SGCZ: variants seen among roughly 807,000 people sequenced by gnomAD.
SGCZ encodes sarcoglycan zeta, also known as zeta-sarcoglycan.
Under a neutral mutation model 41.3 loss-of-function variants are expected in SGCZ, and 40 were observed. The observed-to-expected ratio is 0.97, with a 90% CI of 0.75 to 1.26. SGCZ has a LOEUF of 1.26. Among genes scored for constraint, SGCZ ranks in the 50% most tolerant of loss-of-function variants. The pLI, the probability that SGCZ is intolerant of heterozygous loss-of-function variation, is 0.00. For synonymous variants in SGCZ, 206 were observed against 137.5 expected, an observed-to-expected ratio of 1.50 and a Z score of -3.49; for missense variants, 552 against 369.8, an observed-to-expected ratio of 1.49 and a Z score of -4.04.
intron 1 of SGCZ, among the ~76,000 whole-genome samples, chr8:15,138,440 A>C (rs1808197435): frequency 1.3e-5 from 2 of 152,068 alleles, no homozygotes; most frequent in Non-Finnish European, 2.9e-5. Flanking sequence ...AGGGCAGAAT[A>C]ATATGGTTGG....
At chr8:15,040,704 C>T (rs1039879798) in intron 1 of SGCZ, among the ~76,000 whole-genome samples, 3 of 152,084 alleles carry the variant, frequency 2.0e-5, no homozygotes, top group Non-Finnish European at 2.9e-5. Flanking sequence ...TGAAATACTG[C>T]GCATTATTAT....
chr8:14,875,078 C>T (rs944554988), intron 1 of SGCZ, among the ~76,000 whole-genome samples: 2 of 152,060 alleles, frequency 1.3e-5, no homozygotes, highest in Non-Finnish European at 2.9e-5. Context: ...TATTTATAAA[C>T]AATGGAAATT....
chr8:14,339,098 T>G (rs928745029), intron 2 of SGCZ, among the ~76,000 whole-genome samples: 3 of 98,152 alleles, frequency 3.1e-5, no homozygotes, highest in South Asian at 5.3e-4. Context: ...ACATATTATG[T>G]TTTTTTTTCT....
intron 3 of SGCZ, among the ~76,000 whole-genome samples, chr8:14,307,126 A>G (rs914129194): frequency 6.6e-6 from 1 of 152,226 alleles, no homozygotes; most frequent in African/African-American, 2.4e-5. Flanking sequence ...TTAAGTGATC[A>G]TAACAAGAGC....
At chr8:14,829,699 T>G (rs900214893) in intron 1 of SGCZ, among the ~76,000 whole-genome samples, 3 of 152,218 alleles carry the variant, frequency 2.0e-5, no homozygotes, top group African/African-American at 4.8e-5. Flanking sequence ...TTTCTTACAG[T>G]AGTTAGATGC....
intron 1 of SGCZ, among the ~76,000 whole-genome samples, chr8:15,103,679 A>G (rs1806702517): frequency 6.6e-6 from 1 of 152,130 alleles, no homozygotes; most frequent in Non-Finnish European, 1.5e-5. Flanking sequence ...AAATTAAGGA[A>G]GAAGAATCAC....
At chr8:14,707,600 G>C (rs1378378130) in intron 1 of SGCZ, among the ~76,000 whole-genome samples, 3 of 152,174 alleles carry the variant, frequency 2.0e-5, no homozygotes, top group East Asian at 3.9e-4. Flanking sequence ...TTTATCTTCA[G>C]AATGAGTACA....
chr8:14,740,019 T>C lies in SGCZ; in HGVS notation c.40-185093A>G, dbSNP rs145641289. Reference sequence around the variant, plus strand: ...CACATCTATAGGCCTTATTACAAAGTCAACACTTTCTTTATTCTGTGGGGA... The same window carrying C: ...CACATCTATAGGCCTTATTACAAAGCCAACACTTTCTTTATTCTGTGGGGA... On this transcript the variant is annotated intron_variant, in intron 1 of 7. Coordinates refer to ENST00000382080, the MANE Select transcript of SGCZ (RefSeq NM_139167.4). Among the ~76,000 whole-genome samples, 228 of 152,064 alleles carry C rather than the reference T, an allele frequency of 1.5e-3. 1 individual carries two copies. Among genetic ancestry groups the C allele is most frequent in the African/African-American group, 5.3e-3 (219 of 41,526 alleles).
At chr8:15,139,495 T>G (rs1297918406) in intron 1 of SGCZ, among the ~76,000 whole-genome samples, 1 of 152,148 alleles carries the variant, frequency 6.6e-6, no homozygotes, top group Non-Finnish European at 1.5e-5. Flanking sequence ...GCAATTGCAT[T>G]TTTTGGAAAT....
At chr8:14,515,277 C>T (rs1802588082) in intron 2 of SGCZ, among the ~76,000 whole-genome samples, 2 of 152,048 alleles carry the variant, frequency 1.3e-5, no homozygotes, top group Admixed American at 6.6e-5. Context: ...TAAGTTTGTG[C>T]TCCTGCTGTA....
intron 1 of SGCZ, among the ~76,000 whole-genome samples, chr8:14,729,599 C>T (rs1282893594): frequency 1.3e-5 from 2 of 152,106 alleles, no homozygotes; most frequent in African/African-American, 2.4e-5. Context: ...TCTCACCAAC[C>T]TTGCTGGCAC....
At chr8:14,983,378 T>A (rs777850525) in intron 1 of SGCZ, among the ~76,000 whole-genome samples, 3 of 151,814 alleles carry the variant, frequency 2.0e-5, no homozygotes, top group Admixed American at 6.6e-5. Flanking sequence ...ATTTTTATTT[T>A]TTTTTATTTT....
intron 5 of SGCZ, among the ~76,000 whole-genome samples, chr8:14,145,780 C>T (rs1024613445): frequency 2.0e-5 from 3 of 151,960 alleles, no homozygotes; most frequent in African/African-American, 7.2e-5. Flanking sequence ...AGCAGGAATC[C>T]TGGAGCTGAA....
At chr8:14,227,122 A>G (rs968065362) in intron 4 of SGCZ, among the ~76,000 whole-genome samples, 3 of 152,058 alleles carry the variant, frequency 2.0e-5, no homozygotes, top group African/African-American at 4.8e-5. Context: ...GGACCTCTGG[A>G]AGAGATATGA....
At chr8:14,151,834 T>A (rs1445687055) in intron 5 of SGCZ, among the ~76,000 whole-genome samples, 1 of 151,754 alleles carries the variant, frequency 6.6e-6, no homozygotes, top group Non-Finnish European at 1.5e-5. Context: ...GACAAGTGTG[T>A]AAAAAGAAAT....
At chr8:14,172,681 G>A (rs542523129) in intron 4 of SGCZ, among the ~76,000 whole-genome samples, 6 of 152,178 alleles carry the variant, frequency 3.9e-5, no homozygotes, top group African/African-American at 1.2e-4. Context: ...TTTTCCTAAG[G>A]ACCATTTGCA....
intron 1 of SGCZ, among the ~76,000 whole-genome samples, chr8:15,058,199 T>A (rs748973405): frequency 6.6e-6 from 1 of 152,172 alleles, no homozygotes; most frequent in Non-Finnish European, 1.5e-5. Flanking sequence ...TCTCAATAAG[T>A]CTTTTTTTAA....
At chr8:14,513,232 C>T (rs1439529148) in intron 2 of SGCZ, among the ~76,000 whole-genome samples, 1 of 152,014 alleles carries the variant, frequency 6.6e-6, no homozygotes, top group African/African-American at 2.4e-5. Context: ...AGACAGGGGT[C>T]TCCCTATGTT....
rs150829015 is a variant in SGCZ at position 14,873,461 on chromosome 8, A to G, written c.40-318535T>C. On this transcript the variant is annotated intron_variant, in intron 1 of 7. Transcript: ENST00000382080. ...GTCATCAGTTACCCCAGAAGTGATC[A>G]TTACTTTATTTGTAAGGTGGGGTTG... Among the ~76,000 whole-genome samples the G allele has an allele frequency of 1.5e-3, 228 of 152,264 alleles. 2 individuals are homozygous for G. The highest frequency in any genetic ancestry group is 0.012 in the East Asian group (62 of 5,182).
Sources: allele counts gnomAD v4.1 joint callset (sites outside exome capture counted in the v4.1 genomes callset), GRCh38; gene constraint gnomAD v4.1.1; transcripts MANE v1.5; gene names NCBI Gene and HGNC (gene_info 2026-07-23, HGNC 2026-07-21).